Variants in NPIPB4 observed in about 807,000 individuals in gnomAD.
NPIPB4 encodes the protein nuclear pore complex-interacting protein family member B4.
For synonymous variants in NPIPB4, 31 were observed against 194.1 expected (o/e 0.16, Z 6.99); for missense variants, 105 against 513.7 (o/e 0.20, Z 7.69).
chr16:21,850,284 A>G (rs1292519523), intron 2 of NPIPB4, among the ~76,000 whole-genome samples: 1 of 143,866 alleles, frequency 7.0e-6, no homozygotes, highest in Non-Finnish European at 1.5e-5. Context: ...AATAAATAAA[A>G]TAATGTAGAT....
intron 2 of NPIPB4, among the ~76,000 whole-genome samples, chr16:21,850,484 A>G (rs1345905649): frequency 5.3e-5 from 8 of 152,000 alleles, no homozygotes; most frequent in African/African-American, 1.9e-4. Context: ...CCCCATCTCT[A>G]CTAAAAACAC....
At chr16:21,850,414 G>C (rs1210800118) in intron 2 of NPIPB4, among the ~76,000 whole-genome samples, 5 of 151,982 alleles carry the variant, frequency 3.3e-5, no homozygotes, top group African/African-American at 9.7e-5. Flanking sequence ...GCACTGGGAG[G>C]CTGAGGCAGG....
At chr16:21,851,295 GGGGAAGGGGAGGGGAAGGGGGGAAGTAA>G in intron 2 of NPIPB4, 1 of 188,198 alleles carries the variant, frequency 5.3e-6, no homozygotes, top group Non-Finnish European at 9.1e-6. Flanking sequence ...GGGAGGGGGA[GGGGAAGGGGAGGGGAAGGGGGGAAGTAA>G]GGGAAGGGAA....
chr16:21,841,915 C>T (rs1457263837), intron 5 of NPIPB4, among the ~76,000 whole-genome samples: 6 of 151,530 alleles, frequency 4.0e-5, no homozygotes, highest in South Asian at 4.2e-4. Context: ...TACTGAAGTC[C>T]GCTGGCTCTG....
rs76348073 is a variant in NPIPB4, at chr16:21,837,382, C to T, written c.1005G>A (p.Ala335=). ...CGGGAGGTGTCTTGAGTTTATCATC[C>T]GCTGAGGGTGGAAGGGGAGTGAGGA... ...ECLLTPLPPS[A]DDKLKTPPEC... The change falls in exon 8 of 8, where the codon GCG becomes GCA. Residue 335 remains alanine (A), a synonymous_variant. Transcript: ENST00000682606. The T allele has an allele frequency of 4.0e-5, 55 of 1,370,704 alleles. 7 individuals are homozygous for T. Among genetic ancestry groups the T allele is most frequent in the South Asian group, 7.5e-5 (5 of 66,382 alleles). The allele number at this position is 1,370,704 out of a possible 1,614,324, so 84.9% of individuals were successfully genotyped here. A position where few individuals can be genotyped will look rare whatever the true frequency, so the allele number is the denominator to read the frequency against.
At position 21,836,502 on chromosome 16, in the gene NPIPB4, T is replaced by C. The variant is rs1322003484; in HGVS notation, c.1885A>G (p.Ile629Val). 6.5e-7 allele frequency: 1 copy of C among 1,526,904 alleles called. No individual in the cohort carries two copies. The highest frequency in any genetic ancestry group is 8.8e-7 in the Non-Finnish European group (1 of 1,139,934). 94.6% of individuals were successfully genotyped at this position (1,526,904 alleles called of 1,614,324 possible). The part of the protein sequence containing the change: ...KTPAFHPQRM[I>V]ISRHLPSVSS... ...ACGCTCGGAAGGTGTCTTGAGATTA[T>C]CATCCGCTGAGGGTGGAAGGCAGGT... Residue 629 changes from isoleucine (I) to valine (V), a missense_variant, in exon 8 of 8, where the codon ATA becomes GTA. Ile to Val is a conservative substitution (Grantham distance 29, BLOSUM62 3). Coordinates refer to ENST00000682606, the MANE Select transcript of NPIPB4 (RefSeq NM_001384980.1).
intron 5 of NPIPB4, among the ~76,000 whole-genome samples, chr16:21,841,695 C>T (rs1901799448): frequency 7.0e-6 from 1 of 142,174 alleles, no homozygotes; most frequent in Non-Finnish European, 1.5e-5. Flanking sequence ...AAATTGCTAA[C>T]ATGGCAGTAA....
chr16:21,850,309 G>A (rs1185936092), intron 2 of NPIPB4, among the ~76,000 whole-genome samples: 1 of 148,362 alleles, frequency 6.7e-6, no homozygotes, highest in Admixed American at 6.7e-5. Context: ...AAAGGGGGTT[G>A]GTTTATGCTG....
chr16:21,837,347 A>G lies in NPIPB4; in HGVS notation c.1040T>C (p.Leu347Pro), dbSNP rs1368806435. ...TAGAGCTGAGGGTGGAAGGGGAGTG[A>G]GCAGACACTCGGGAGGTGTCTTGAG... Reference protein sequence around the residue: ...DKLKTPPECLLTPLPPSALPS... With the variant: ...DKLKTPPECLPTPLPPSALPS... The change falls in exon 8 of 8, where the codon CTC becomes CCC. Residue 347 changes from leucine (L) to proline (P), a missense_variant. Leu to Pro is a moderately conservative substitution (Grantham distance 98, BLOSUM62 -3). Transcript: ENST00000682606. 1 of 1,330,884 alleles carries G rather than the reference A, an allele frequency of 7.5e-7. No individual in the cohort carries two copies. Among genetic ancestry groups the G allele is most frequent in the Non-Finnish European group, 9.4e-7 (1 of 1,061,560 alleles). 82.4% of individuals were successfully genotyped at this position (1,330,884 alleles called of 1,614,324 possible). A position where few individuals can be genotyped will look rare whatever the true frequency, so the allele number is the denominator to read the frequency against.
intron 5 of NPIPB4, among the ~76,000 whole-genome samples, chr16:21,840,387 TCTC>T (rs1901662779): frequency 1.2e-5 from 1 of 80,412 alleles, no homozygotes; most frequent in Non-Finnish European, 2.5e-5. Flanking sequence ...GATACCTGCC[TCTC>T]CTTTTCTGCA....
intron 2 of NPIPB4, among the ~76,000 whole-genome samples, chr16:21,850,419 G>T (rs1484813791): frequency 2.6e-5 from 4 of 151,882 alleles, no homozygotes; most frequent in African/African-American, 4.9e-5. Context: ...GGGAGGCTGA[G>T]GCAGGCAGAT....
At chr16:21,851,641 GC>G (rs1902539357) in intron 2 of NPIPB4, 1 of 319,676 alleles carries the variant, frequency 3.1e-6, no homozygotes, top group East Asian at 5.3e-5. Context: ...CCCCGGTGGT[GC>G]CTCACAATGG....
rs1248995471 is a variant in NPIPB4, at chr16:21,836,508, G to A, written c.1879C>T (p.Arg627Trp). ...NIKTPAFHPQ[R>W]MIISRHLPSV... ...GGAAGGTGTCTTGAGATTATCATCC[G>A]CTGAGGGTGGAAGGCAGGTGTCTTG... Residue 627 changes from arginine to tryptophan, a missense_variant, in exon 8 of 8, where the codon CGG becomes TGG. Physicochemically the swap from Arg to Trp is moderately radical, Grantham distance 101. Transcript: ENST00000682606. The A allele has an allele frequency of 1.2e-5, 19 of 1,529,960 alleles. No individual in the cohort carries two copies. Among genetic ancestry groups the A allele is most frequent in the African/African-American group, 1.1e-4 (7 of 61,308 alleles). 94.8% of individuals were successfully genotyped at this position (1,529,960 alleles called of 1,614,324 possible).
Position 21,843,145 on chromosome 16 carries a change from G to C in NPIPB4, c.545+241C>G, listed in dbSNP as rs1378000929. On this transcript the variant is annotated intron_variant, in intron 5 of 7. Transcript: ENST00000682606. ...CTCAGGAAAAAAAAAAAAAAAAAAA[G>C]AGAAAGGAAAACCAATGCCAGTACT... Among the ~76,000 whole-genome samples, 143 of 128,862 alleles carry C rather than the reference G, an allele frequency of 1.1e-3. 1 individual carries two copies. Among genetic ancestry groups the C allele is most frequent in the Non-Finnish European group, 2.8e-4 (17 of 61,666 alleles). The allele number at this position is 128,862 out of a possible 152,430, so 84.5% of individuals were successfully genotyped here. A position where few individuals can be genotyped will look rare whatever the true frequency, so the allele number is the denominator to read the frequency against.
At chr16:21,840,075 C>A in intron 5 of NPIPB4, 1 of 28,938 alleles carries the variant, frequency 3.5e-5, no homozygotes, top group Non-Finnish European at 5.7e-5. Context: ...TGGTATGAAC[C>A]GAGTTTCCAC....
intron 2 of NPIPB4, among the ~76,000 whole-genome samples, chr16:21,849,493 A>AAAAAAAAT (rs1902305805): frequency 6.3e-5 from 5 of 78,824 alleles, no homozygotes; most frequent in Non-Finnish European, 1.4e-4. Flanking sequence ...AAAAAAAAAA[A>AAAAAAAAT]TTATCAAGGT....
intron 5 of NPIPB4, among the ~76,000 whole-genome samples, chr16:21,841,994 T>G (rs556867064): frequency 2.0e-5 from 3 of 151,802 alleles, no homozygotes; most frequent in African/African-American, 7.2e-5. Flanking sequence ...TTGTAGGGAC[T>G]GAGCCTGCAC....
chr16:21,840,501 A>G (rs532176436), intron 5 of NPIPB4, among the ~76,000 whole-genome samples: 114 of 150,290 alleles, frequency 7.6e-4, no homozygotes, highest in African/African-American at 2.6e-3. Context: ...CCCTTCTGGC[A>G]TCTGAAGGCT....
chr16:21,835,933 C>A lies in NPIPB4; in HGVS notation c.2454G>T (p.Gln818His), dbSNP rs924304502. 4 of 1,202,476 alleles carry A rather than the reference C, an allele frequency of 3.3e-6. No individual in the cohort carries two copies. The highest frequency in any genetic ancestry group is 4.4e-6 in the Non-Finnish European group (4 of 915,150). The allele number at this position is 1,202,476 out of a possible 1,614,324, so 74.5% of individuals were successfully genotyped here. A position where few individuals can be genotyped will look rare whatever the true frequency, so the allele number is the denominator to read the frequency against. The change falls in exon 8 of 8, where the codon CAG becomes CAT. Residue 818 changes from glutamine (Q) to histidine (H), a missense_variant. Coordinates refer to ENST00000682606, the MANE Select transcript of NPIPB4 (RefSeq NM_001384980.1). ...LPFHTQLHPQ[Q>H]MIISRHLPSV... is the part of the protein sequence containing the mutation. Reference sequence around the variant, plus strand: ...TCGGCAGGTGTCTTGATATTATCATCTGCTGAGGGTGGAGCTGAGTGTGGA... The same window carrying A: ...TCGGCAGGTGTCTTGATATTATCATATGCTGAGGGTGGAGCTGAGTGTGGA...
Sources: allele counts gnomAD v4.1 joint callset (sites outside exome capture counted in the v4.1 genomes callset), GRCh38; gene constraint gnomAD v4.1.1; transcripts MANE v1.5; gene names NCBI Gene and HGNC (gene_info 2026-07-23, HGNC 2026-07-21).